Variants in DNAH6 observed in about 807,000 individuals in gnomAD.
The protein encoded by DNAH6 is axonemal beta dynein heavy chain 6.
In DNAH6, 340 loss-of-function variants were observed where a neutral mutation model predicts 491.4. The observed-to-expected ratio is 0.69, with a 90% CI of 0.63 to 0.76. DNAH6 has a LOEUF of 0.76. Ranked by LOEUF, DNAH6 falls within the 30% of genes least tolerant of loss-of-function variation. The pLI is 0.00. For missense variants in DNAH6, 4,443 were observed against 4,972.2 expected (o/e 0.89, Z 3.20); for synonymous variants, 1,603 against 1,686.1 (o/e 0.95, Z 1.21).
At chr2:84,710,226 C>T (rs1038244938) in intron 55 of DNAH6, 61 bp from the exon 56 acceptor site, 16 of 1,506,980 alleles carry the variant, frequency 1.1e-5, no homozygotes, top group South Asian at 2.6e-5. Flanking sequence ...CTAAAGCTTT[C>T]GCTTTCTAGC....
chr2:84,675,146 C>T (rs1693109779), intron 40 of DNAH6, among the ~76,000 whole-genome samples: 1 of 152,214 alleles, frequency 6.6e-6, no homozygotes, highest in African/African-American at 2.4e-5. Flanking sequence ...GCTCCTCTTT[C>T]ACCCTCATGG....
intron 16 of DNAH6, among the ~76,000 whole-genome samples, chr2:84,589,859 A>G (rs1257913157): frequency 1.3e-5 from 2 of 152,060 alleles, no homozygotes; most frequent in African/African-American, 4.8e-5. Context: ...AAAAGAAAAT[A>G]TTCCTATGGT....
intron 3 of DNAH6, among the ~76,000 whole-genome samples, chr2:84,527,954 T>A (rs1012745066): frequency 3.3e-5 from 5 of 152,214 alleles, no homozygotes; most frequent in African/African-American, 1.2e-4. Flanking sequence ...GTGACTCTTA[T>A]CTTAAAGCCA....
At chr2:84,505,720 C>A in the DNAH6 span, among the ~76,000 whole-genome samples, 1 of 152,168 alleles carries the variant, frequency 6.6e-6, no homozygotes, top group African/African-American at 2.4e-5. Flanking sequence ...CCCTCCACCC[C>A]ACAACAGGCC....
Position 84,752,211 on chromosome 2 carries a change from G to C in DNAH6, c.10512+6962G>C, listed in dbSNP as rs189116389. Among the ~76,000 whole-genome samples the C allele has an allele frequency of 3.2e-4, 49 of 152,330 alleles. 1 individual carries two copies. Among genetic ancestry groups the C allele is most frequent in the Admixed American group, 2.9e-3 (45 of 15,302 alleles). The stretch of plus-strand genomic sequence containing the variant: ...TTTCCCAATTTGGTAAAACCCAGAT[G>C]TATGAATGCAGTGTTAAGTCCTTAT... On this transcript the variant is annotated intron_variant, in intron 63 of 76. Transcript: ENST00000389394.
At chr2:84,759,703 A>AC (rs1387414460) in intron 63 of DNAH6, among the ~76,000 whole-genome samples, 2 of 152,212 alleles carry the variant, frequency 1.3e-5, no homozygotes, top group East Asian at 3.8e-4. Context: ...AGAGCAATCC[A>AC]CAGATTCAAT....
At chr2:84,510,864 C>G in the DNAH6 span, among the ~76,000 whole-genome samples, 5 of 152,200 alleles carry the variant, frequency 3.3e-5, no homozygotes, top group South Asian at 1.0e-3. Flanking sequence ...GCCTGGGTAT[C>G]AGCAGCAGAG....
At position 84,771,901 on chromosome 2, in the gene DNAH6, G is replaced by A. The variant is rs546786139; in HGVS notation, c.10703+8956G>A. On this transcript the variant is annotated intron_variant, in intron 64 of 76. Transcript: ENST00000389394. Reference sequence around the variant, plus strand: ...TCACACGAAGAAATAAATAACACAAGTAAGCGTAACTACATAGGTAAATAT... The same window carrying A: ...TCACACGAAGAAATAAATAACACAAATAAGCGTAACTACATAGGTAAATAT... Among the ~76,000 whole-genome samples, 4 of 152,236 alleles carry A rather than the reference G, an allele frequency of 2.6e-5. No individual in the cohort carries two copies. In the South Asian group the frequency reaches 8.3e-4, roughly 32 times the overall value.
At chr2:84,552,562 T>A (rs1679501245) in intron 9 of DNAH6, among the ~76,000 whole-genome samples, 1 of 152,218 alleles carries the variant, frequency 6.6e-6, no homozygotes, top group South Asian at 2.1e-4. Flanking sequence ...ATGTAAAGAT[T>A]CATTAATATA....
intron 10 of DNAH6, among the ~76,000 whole-genome samples, chr2:84,554,260 C>A (rs1679804728): frequency 6.6e-6 from 1 of 152,118 alleles, no homozygotes; most frequent in Non-Finnish European, 1.5e-5. Flanking sequence ...GAGTTGGGAC[C>A]CTGCAATATC....
chr2:84,573,555 T>C lies in DNAH6; in HGVS notation c.1892T>C (p.Leu631Pro). 3 of 1,588,734 alleles carry C rather than the reference T, an allele frequency of 1.9e-6. No individual in the cohort carries two copies. Among genetic ancestry groups the C allele is most frequent in the Non-Finnish European group, 2.6e-6 (3 of 1,173,078 alleles). Residue 631 changes from leucine (L) to proline (P), a missense_variant, in exon 12 of 77, where the codon CTT (leucine) becomes CCT (proline). Coordinates refer to ENST00000389394, the MANE Select transcript of DNAH6 (RefSeq NM_001370.2). ...FQIFFKENESLDLQALKLQEP... is the reference protein window; with the variant it reads ...FQIFFKENESPDLQALKLQEP... ...ATATTCTTCAAGGAAAATGAAAGTC[T>C]TGATTTACAAGCTCTTAAACTTCAG... is the stretch of plus-strand genomic sequence containing the variant.
chr2:84,652,181 G>A (rs753824464), intron 33 of DNAH6, among the ~76,000 whole-genome samples: 13 of 151,992 alleles, frequency 8.6e-5, no homozygotes, highest in Non-Finnish European at 1.5e-4. Context: ...CATAGGGTTT[G>A]CACATTTTTT....
chr2:84,804,406 A>C (rs952976988), intron 70 of DNAH6, among the ~76,000 whole-genome samples: 7 of 152,112 alleles, frequency 4.6e-5, no homozygotes, highest in Non-Finnish European at 8.8e-5. Flanking sequence ...AAATGAATTA[A>C]TATTACATAA....
Position 84,727,754 on chromosome 2 carries a change from C to T in DNAH6, c.10058C>T (p.Thr3353Ile). 6.4e-7 allele frequency: 1 copy of T among 1,551,430 alleles called. No individual in the cohort carries two copies. Among genetic ancestry groups the T allele is most frequent in the Non-Finnish European group, 8.7e-7 (1 of 1,146,706 alleles). The change falls in exon 61 of 77, where the codon ACT becomes ATT. Residue 3353 changes from threonine to isoleucine, a missense_variant. Coordinates refer to ENST00000389394, the MANE Select transcript of DNAH6 (RefSeq NM_001370.2). ...GTACTACTAGAACAAACTCTCCTAACTGCTTATGTCAATGTTTCAAGAGGA... is the reference window on the plus strand; with the variant it reads ...GTACTACTAGAACAAACTCTCCTAATTGCTTATGTCAATGTTTCAAGAGGA... ...LDVLLEQTLL[T>I]AYVNVSRGLF...
At chr2:84,467,691 C>A in the DNAH6 span, among the ~76,000 whole-genome samples, 1 of 152,226 alleles carries the variant, frequency 6.6e-6, no homozygotes, top group African/African-American at 2.4e-5. Flanking sequence ...TTCTGACTTG[C>A]CCTAAACATC....
At chr2:84,662,533 A>G (rs1305014118) in intron 37 of DNAH6, among the ~76,000 whole-genome samples, 1 of 152,222 alleles carries the variant, frequency 6.6e-6, no homozygotes, top group Non-Finnish European at 1.5e-5. Context: ...ATCGAACTGC[A>G]AGGCAGCAGC....
Position 84,615,109 on chromosome 2 carries a change from T to G in DNAH6, c.3476-1777T>G, listed in dbSNP as rs572144718. ...CTTTGGGTTTTGGTCATGAAGTTCT[T>G]GCGTAAGCCAATGTCAAGAGGTGTT... On this transcript the variant is annotated intron_variant, in intron 22 of 76. Coordinates refer to ENST00000389394, the MANE Select transcript of DNAH6 (RefSeq NM_001370.2). Among the ~76,000 whole-genome samples the G allele has an allele frequency of 1.2e-4, 18 of 152,246 alleles. 2 individuals carry two copies. The South Asian group carries it at 3.7e-3, about 32-fold the overall frequency.
intron 5 of DNAH6, among the ~76,000 whole-genome samples, chr2:84,545,195 A>C (rs1184330270): frequency 2.0e-5 from 3 of 152,046 alleles, no homozygotes; most frequent in Non-Finnish European, 2.9e-5. Flanking sequence ...CATTTCCTTC[A>C]CTTTGCATAT....
At chr2:84,593,419 C>T (rs564936444) in intron 16 of DNAH6, among the ~76,000 whole-genome samples, 8 of 152,320 alleles carry the variant, frequency 5.3e-5, no homozygotes, top group African/African-American at 1.9e-4. Context: ...CAATCTTAAA[C>T]ACTTCTCATG....
Sources: gnomAD v4.1 joint callset for allele counts (sites outside exome capture counted in the v4.1 genomes callset) on GRCh38, gnomAD v4.1.1 for gene constraint, MANE v1.5 for transcripts, NCBI Gene and HGNC (gene_info 2026-07-23, HGNC 2026-07-21) for gene names.